The following ATXN1 variants were observed in gnomAD, a reference collection of about 807,000 sequenced individuals.
ATXN1 encodes ataxin 1, also known as ataxin-1.
A neutral mutation model predicts 56.4 loss-of-function variants in ATXN1; 8 were observed. That is an observed-to-expected ratio of 0.14 (90% CI 0.08 to 0.26). The LOEUF is 0.26. ATXN1 is among the 10% of genes least tolerant of loss of function. The pLI is 1.00. For synonymous variants in ATXN1, 514 were observed against 494.6 expected, an observed-to-expected ratio of 1.04 and a Z score of -0.52; for missense variants, 987 against 1,106.5, an observed-to-expected ratio of 0.89 and a Z score of 1.53.
chr6:16,501,731 A>T (rs183733144), intron 5 of ATXN1, among the ~76,000 whole-genome samples: 81 of 152,236 alleles, frequency 5.3e-4, no homozygotes, highest in African/African-American at 1.9e-3. Context: ...ATTGATGGGC[A>T]TTTGGGTTGG....
chr6:16,710,276 G>A (rs1440701550), intron 2 of ATXN1, among the ~76,000 whole-genome samples: 1 of 152,120 alleles, frequency 6.6e-6, no homozygotes, highest in East Asian at 1.9e-4. Context: ...GGAAAAACAG[G>A]GAAACATTCC....
At chr6:16,600,916 A>T (rs1338791096) in intron 3 of ATXN1, among the ~76,000 whole-genome samples, 1 of 152,222 alleles carries the variant, frequency 6.6e-6, no homozygotes, top group Non-Finnish European at 1.5e-5. Flanking sequence ...TGATTCTTAG[A>T]AAATGACGCA....
intron 2 of ATXN1, among the ~76,000 whole-genome samples, chr6:16,734,511 T>A (rs1438685303): frequency 6.6e-6 from 1 of 152,160 alleles, no homozygotes; most frequent in African/African-American, 2.4e-5. Flanking sequence ...GTGAAAAATA[T>A]ATGTATACTT....
At chr6:16,607,978 A>G (rs1187431959) in intron 3 of ATXN1, among the ~76,000 whole-genome samples, 4 of 152,230 alleles carry the variant, frequency 2.6e-5, no homozygotes, top group African/African-American at 7.2e-5. Flanking sequence ...TCTTGTTAGT[A>G]AATGAAACAT....
chr6:16,405,231 G>T (rs1322667753), intron 6 of ATXN1, among the ~76,000 whole-genome samples: 1 of 152,162 alleles, frequency 6.6e-6, no homozygotes, highest in Non-Finnish European at 1.5e-5. Flanking sequence ...GCCAACTTTT[G>T]ATTAAAGACA....
chr6:16,669,672 T>A (rs965277176), intron 2 of ATXN1, among the ~76,000 whole-genome samples: 2 of 150,170 alleles, frequency 1.3e-5, no homozygotes, highest in Non-Finnish European at 1.5e-5. Context: ...ACAATCTTTT[T>A]TTTTTTTTTT....
chr6:16,444,505 C>G (rs1759593963), intron 6 of ATXN1, among the ~76,000 whole-genome samples: 1 of 152,136 alleles, frequency 6.6e-6, no homozygotes, highest in Non-Finnish European at 1.5e-5. Flanking sequence ...GACTGAAACA[C>G]AACAGATATG....
intron 3 of ATXN1, among the ~76,000 whole-genome samples, chr6:16,655,104 G>A (rs143399560): frequency 2.0e-5 from 3 of 152,310 alleles, no homozygotes; most frequent in Non-Finnish European, 2.9e-5. Flanking sequence ...GGGATCCACA[G>A]GGTTAACAGG....
At chr6:16,729,196 C>T (rs1464064380) in intron 2 of ATXN1, among the ~76,000 whole-genome samples, 4 of 152,192 alleles carry the variant, frequency 2.6e-5, no homozygotes, top group African/African-American at 9.7e-5. Flanking sequence ...AAAATTATGA[C>T]CTCTGCCTTT....
chr6:16,517,174 A>G (rs1761198633), intron 5 of ATXN1, among the ~76,000 whole-genome samples: 1 of 152,154 alleles, frequency 6.6e-6, no homozygotes, highest in Non-Finnish European at 1.5e-5. Flanking sequence ...ATGGCTCATC[A>G]TTTTTACTTA....
chr6:16,599,540 G>A (rs1030841783), intron 3 of ATXN1, among the ~76,000 whole-genome samples: 2 of 151,840 alleles, frequency 1.3e-5, no homozygotes, highest in African/African-American at 4.8e-5. Context: ...CTGAAACCTT[G>A]TCTCTACTAA....
intron 6 of ATXN1, among the ~76,000 whole-genome samples, chr6:16,391,347 A>C (rs1758352591): frequency 6.6e-6 from 1 of 152,096 alleles, no homozygotes; most frequent in Admixed American, 6.5e-5. Flanking sequence ...AGGTTCTCAA[A>C]CATGGCTGCC....
intron 3 of ATXN1, among the ~76,000 whole-genome samples, chr6:16,594,958 G>C (rs954089179): frequency 2.0e-4 from 30 of 152,114 alleles, no homozygotes; most frequent in Admixed American, 1.5e-3. Flanking sequence ...TTGGACTGAG[G>C]GTTAATAATT....
At position 16,395,270 on chromosome 6, in the gene ATXN1, C is replaced by CAAAAAAAAAAAAAAAA. The variant is rs748314030; in HGVS notation, c.-160-66816_-160-66801dup. On this transcript the variant is annotated intron_variant, in intron 6 of 7. Coordinates refer to ENST00000436367, the MANE Select transcript of ATXN1 (RefSeq NM_001128164.2). ...GGCCAACAAGAGCGAAACTCCGTCT[C>CAAAAAAAAAAAAAAAA]AAAAAAAAAAAAAAAAAAAAACAAG... Among the ~76,000 whole-genome samples, 165 of 48,414 alleles carry CAAAAAAAAAAAAAAAA rather than the reference C, an allele frequency of 3.4e-3. 5 individuals are homozygous for CAAAAAAAAAAAAAAAA. Among genetic ancestry groups the CAAAAAAAAAAAAAAAA allele is most frequent in the African/African-American group, 0.012 (135 of 11,040 alleles). 31.8% of individuals were successfully genotyped at this position (48,414 alleles called of 152,430 possible).
intron 2 of ATXN1, among the ~76,000 whole-genome samples, chr6:16,665,378 C>T (rs750723464): frequency 1.3e-5 from 2 of 152,122 alleles, no homozygotes; most frequent in Non-Finnish European, 2.9e-5. Context: ...GCAAATCTTC[C>T]AAAAGTTGAC....
chr6:16,649,919 C>T (rs919446133), intron 3 of ATXN1, among the ~76,000 whole-genome samples: 2 of 151,464 alleles, frequency 1.3e-5, no homozygotes, highest in Admixed American at 6.6e-5. Context: ...AATATAATAG[C>T]GGTAACACAG....
In ATXN1 at chr6:16,331,428, G is replaced by T. The variant is rs550480533; in HGVS notation, c.-160-2958C>A. ...ACTCTTAAGAAAGGGAATGCCAAAC[G>T]CTCCCACATTTCCATACCAACGAGC... On this transcript the variant is annotated intron_variant, in intron 6 of 7. Coordinates refer to ENST00000436367, the MANE Select transcript of ATXN1 (RefSeq NM_001128164.2). Among the ~76,000 whole-genome samples, 65 of 152,212 alleles carry T rather than the reference G, an allele frequency of 4.3e-4. No homozygotes were observed. The South Asian group carries it at 0.012, about 29-fold the overall frequency.
intron 2 of ATXN1, among the ~76,000 whole-genome samples, chr6:16,698,530 G>A (rs899600766): frequency 6.6e-6 from 1 of 151,820 alleles, no homozygotes; most frequent in Admixed American, 6.6e-5. Flanking sequence ...AATTTCCACA[G>A]TGTATGGTTT....
chr6:16,411,970 C>T (rs565283745), intron 6 of ATXN1, among the ~76,000 whole-genome samples: 67 of 152,170 alleles, frequency 4.4e-4, no homozygotes, highest in Non-Finnish European at 8.8e-4. Flanking sequence ...CTCTCTCTCT[C>T]GCACTATCTT....
Sources: gnomAD v4.1 joint callset for allele counts (sites outside exome capture counted in the v4.1 genomes callset) on GRCh38, gnomAD v4.1.1 for gene constraint, MANE v1.5 for transcripts, NCBI Gene and HGNC (gene_info 2026-07-23, HGNC 2026-07-21) for gene names.